DACT2: variants seen among roughly 807,000 people sequenced by gnomAD.
DACT2 encodes the protein dishevelled binding antagonist of beta catenin 2.
In DACT2, 20 loss-of-function variants were observed where a neutral mutation model predicts 22.2. The ratio of observed to expected loss-of-function variants is 0.90; its 90% CI spans 0.63 to 1.31. The LOEUF is 1.31. Ranked by LOEUF, DACT2 falls within the 50% of genes most tolerant of loss-of-function variation. DACT2 has a pLI of 0.00. For missense variants in DACT2, 1,048 were observed against 1,061.4 expected, an observed-to-expected ratio of 0.99 and a Z score of 0.18; for synonymous variants, 463 against 479.8, an observed-to-expected ratio of 0.96 and a Z score of 0.46.
rs990055891 is a variant in DACT2 at position 168,294,324 on chromosome 6, C to T, written c.731-127G>A. 2.3e-4 allele frequency: 157 copies of T among 683,238 alleles called. 2 individuals carry two copies. Among genetic ancestry groups the T allele is most frequent in the South Asian group, 1.3e-3 (83 of 64,176 alleles). The allele number at this position is 683,238 out of a possible 1,614,324, so 42.3% of individuals were successfully genotyped here. ...AGGACACAGAGGAAGGGGAAGAGGA[C>T]GGCCACGCTTCTCCCCTCCTAGTCC... On this transcript the variant is annotated intron_variant, in intron 4 of 5. Coordinates refer to the DACT2 transcript ENST00000366796.
intron 3 of DACT2, chr6:168,298,516 C>G (rs552139450): frequency 2.5e-4 from 38 of 152,316 alleles, no homozygotes; most frequent in Non-Finnish European, 4.1e-4. Flanking sequence ...CTCCTGCCAC[C>G]CTGTTATGCT....
At chr6:168,294,944 A>G (rs7738825) in intron 3 of DACT2, among the ~76,000 whole-genome samples, 25,516 of 152,256 alleles carry the variant, frequency 0.17, 3,146 homozygotes, top group East Asian at 0.66. Context: ...AAACCGTGGC[A>G]TGAAAAGGAG....
At chr6:168,298,739 C>G (rs1453074606) in intron 3 of DACT2, 3 of 152,186 alleles carry the variant, frequency 2.0e-5, no homozygotes, top group Non-Finnish European at 4.4e-5. Flanking sequence ...TAGTTGTGAG[C>G]TGGGACCTTG....
At chr6:168,311,601 C>CACACACTCACACACAA (rs1386820525) in intron 1 of DACT2, among the ~76,000 whole-genome samples, 1 of 150,098 alleles carries the variant, frequency 6.7e-6, no homozygotes, top group East Asian at 2.0e-4. Flanking sequence ...CACACATACA[C>CACACACTCACACACAA]ACACACTCAC....
Position 168,295,532 on chromosome 6 carries a change from G to A in DACT2, c.659-828C>T, listed in dbSNP as rs147566232. ...CAATTTTATTTATTATACAGAAAAG[G>A]CATATAGGGATACATGTAAGAAAAT... On this transcript the variant is annotated intron_variant, in intron 3 of 5. Coordinates refer to the DACT2 transcript ENST00000366796. Among the ~76,000 whole-genome samples the A allele has an allele frequency of 3.9e-4, 60 of 152,224 alleles. 1 individual carries two copies. Among genetic ancestry groups the A allele is most frequent in the Admixed American group, 2.1e-3 (32 of 15,292 alleles).
intron 3 of DACT2, 96 bp downstream of exon 3, chr6:168,310,072 G>A (rs1184243871): frequency 6.0e-6 from 9 of 1,493,526 alleles, no homozygotes; most frequent in Non-Finnish European, 2.7e-6. Context: ...CGTGCTCCGT[G>A]TAGGGTCCCC....
intron 3 of DACT2, chr6:168,294,730 C>A: frequency 7.5e-7 from 1 of 1,330,302 alleles, no homozygotes. Flanking sequence ...TGCAAATGTG[C>A]GTGAGAGCTA....
At chr6:168,316,310 ACG>A in intron 1 of DACT2, among the ~76,000 whole-genome samples, 2 of 146,264 alleles carry the variant, frequency 1.4e-5, no homozygotes, top group African/African-American at 2.5e-5. Flanking sequence ...AGCTGAGGTC[ACG>A]CAGAAGCTGC....
Position 168,319,480 on chromosome 6 carries a change from G to A in DACT2, c.154C>T (p.Pro52Ser), listed in dbSNP as rs1424937103. 5.0e-6 allele frequency: 6 copies of A among 1,204,680 alleles called. No homozygotes were observed. The highest frequency in any genetic ancestry group is 6.2e-6 in the Non-Finnish European group (6 of 971,802). 74.6% of individuals were successfully genotyped at this position (1,204,680 alleles called of 1,614,324 possible). A position where few individuals can be genotyped will look rare whatever the true frequency, so the allele number is the denominator to read the frequency against. Reference sequence around the variant, plus strand: ...CCGCAGGGCGCGGCGGGCGCGGGCGGGGGCTGCAGGGCCAGGGCGCCCCGT... The same window carrying A: ...CCGCAGGGCGCGGCGGGCGCGGGCGAGGGCTGCAGGGCCAGGGCGCCCCGT... The part of the protein sequence containing the change: ...RVRGALALQP[P>S]PAPAAPCGPH... The change falls in exon 1 of 4, where the codon CCG becomes TCG. Residue 52 changes from proline to serine, a missense_variant. Pro to Ser is a moderately conservative substitution (Grantham distance 74). Transcript: ENST00000366795.
chr6:168,303,919 T>C (rs576727656), downstream of DACT2, among the ~76,000 whole-genome samples: 1 of 152,374 alleles, frequency 6.6e-6, no homozygotes, highest in Admixed American at 6.5e-5. Flanking sequence ...TTAACTTTAA[T>C]TCTTTATCCT....
In DACT2 at chr6:168,310,431, C is replaced by T; in HGVS notation, c.395G>A (p.Ser132Asn). The T allele has an allele frequency of 1.3e-6, 2 of 1,550,430 alleles. No homozygotes were observed. Among genetic ancestry groups the T allele is most frequent in the Non-Finnish European group, 1.7e-6 (2 of 1,146,556 alleles). ...SRPSSGFYEM[S>N]DGGSCSLSTS... is the part of the protein sequence containing the mutation. ...GGACAGGGAGCAGGATCCACCGTCG[C>T]TCATCTCGTAAAAGCCTGGACGGAG... Residue 132 changes from serine to asparagine, a missense_variant, in exon 3 of 4, where the codon AGC (serine) becomes AAC (asparagine). By Grantham distance (46) the Ser-to-Asn change is conservative. Coordinates refer to ENST00000366795, the MANE Select transcript of DACT2 (RefSeq NM_214462.5).
At chr6:168,294,834 A>G in intron 3 of DACT2, 1 of 390,692 alleles carries the variant, frequency 2.6e-6, no homozygotes, top group Non-Finnish European at 4.5e-6. Context: ...ATGCAGTATA[A>G]AGACAAACAA....
rs186887919 is a variant in DACT2, at chr6:168,309,030, C to T, written c.727G>A (p.Gly243Arg). 18 of 1,546,110 alleles carry T rather than the reference C, an allele frequency of 1.2e-5. No individual in the cohort carries two copies. Among genetic ancestry groups the T allele is most frequent in the African/African-American group, 5.5e-5 (4 of 73,160 alleles). Residue 243 changes from glycine (G) to arginine (R), a missense_variant, in exon 4 of 4, where the codon GGG becomes AGG. By Grantham distance (125) the Gly-to-Arg change is moderately radical. Transcript: ENST00000366795. ...QKASADAELLGLLCQGVDIPL... is the reference protein window; with the variant it reads ...QKASADAELLRLLCQGVDIPL... ...ATATCCACCCCCTGGCAGAGGAGCC[C>T]GAGGAGCTCGGCGTCCGCGCTGGCT...
rs1246226035 is a variant in DACT2 at position 168,307,534 on chromosome 6, C to G, written c.2223G>C (p.Leu741=). The part of the protein sequence containing the change: ...QEAPVSSGPL[L]SPVPKLCRIK... Reference sequence around the variant, plus strand: ...TACGGCACAGCTTGGGCACGGGGGACAGGAGTGGCCCCGAGCTGACCGGGG... The same window carrying G: ...TACGGCACAGCTTGGGCACGGGGGAGAGGAGTGGCCCCGAGCTGACCGGGG... The change falls in exon 4 of 4, where the codon CTG becomes CTC. Residue 741 remains leucine (L), a synonymous_variant. Transcript: ENST00000366795. The surrounding 1 kb of genome is among the most constrained non-coding windows in gnomAD (Gnocchi z 5.3). 6.4e-7 allele frequency: 1 copy of G among 1,551,424 alleles called. No individual in the cohort carries two copies. Among genetic ancestry groups the G allele is most frequent in the Non-Finnish European group, 8.7e-7 (1 of 1,146,970 alleles).
At position 168,310,460 on chromosome 6, in the gene DACT2, A is replaced by G. The variant is rs1779369658; in HGVS notation, c.380-14T>C. On this transcript the variant is annotated splice_polypyrimidine_tract_variant and intron_variant, in intron 2 of 3. Coordinates refer to ENST00000366795, the MANE Select transcript of DACT2 (RefSeq NM_214462.5). Reference sequence around the variant, plus strand: ...TCTCGTAAAAGCCTGGACGGAGCAGACAAGGCAGGTCAGTGACCCCCATCC... The same window carrying G: ...TCTCGTAAAAGCCTGGACGGAGCAGGCAAGGCAGGTCAGTGACCCCCATCC... 1 of 1,542,142 alleles carries G rather than the reference A, an allele frequency of 6.5e-7. No individual in the cohort carries two copies. Among genetic ancestry groups the G allele is most frequent in the Non-Finnish European group, 8.7e-7 (1 of 1,144,394 alleles).
At chr6:168,299,008 T>C (rs1779055196) in intron 3 of DACT2, 1 of 152,312 alleles carries the variant, frequency 6.6e-6, no homozygotes, top group African/African-American at 2.4e-5. Flanking sequence ...AAATAGTAGA[T>C]AGTAAATGTC....
In DACT2 at chr6:168,307,256, G is replaced by A. The variant is rs981691137; in HGVS notation, c.*176C>T. 5.6e-6 allele frequency: 8 copies of A among 1,422,402 alleles called. No individual in the cohort carries two copies. The African/African-American group carries it at 7.8e-5, about 14-fold the overall frequency. The allele number at this position is 1,422,402 out of a possible 1,614,324, so 88.1% of individuals were successfully genotyped here. On this transcript the variant is annotated 3_prime_UTR_variant, in exon 4 of 4. Coordinates refer to ENST00000366795, the MANE Select transcript of DACT2 (RefSeq NM_214462.5). This position sits in a 1 kb window ranked among gnomAD's most constrained non-coding sequence, Gnocchi z 5.3. ...CCGCATGGAAGTCTTTGCTGGGGCG[G>A]GGACTCACGGCCATACTCCACAGGG...
chr6:168,302,381 C>G (rs1583291845), downstream of DACT2, among the ~76,000 whole-genome samples: 2 of 152,204 alleles, frequency 1.3e-5, no homozygotes, highest in African/African-American at 2.4e-5. Flanking sequence ...GGACCATTTA[C>G]CCACCACTGC....
intron 1 of DACT2, among the ~76,000 whole-genome samples, chr6:168,314,334 A>C (rs1238423994): frequency 4.6e-5 from 7 of 152,188 alleles, no homozygotes; most frequent in Non-Finnish European, 1.0e-4. Context: ...GGGAAGGGGC[A>C]TGAGGGCCTG....
Sources: allele counts gnomAD v4.1 joint callset (sites outside exome capture counted in the v4.1 genomes callset), GRCh38; gene constraint gnomAD v4.1.1; non-coding constraint Gnocchi (gnomAD v3.1); transcripts MANE v1.5; gene names NCBI Gene and HGNC (gene_info 2026-07-23, HGNC 2026-07-21).